The following SPTB variants were observed in gnomAD, a reference collection of about 807,000 sequenced individuals.
SPTB encodes spectrin beta, erythrocytic.
Under a neutral mutation model 256.2 loss-of-function variants are expected in SPTB, and 45 were observed. The ratio of observed to expected loss-of-function variants is 0.18; its 90% CI spans 0.14 to 0.23. The LOEUF is 0.23. SPTB is among the 10% of genes least tolerant of loss of function. The pLI is 1.00. For synonymous variants in SPTB, 1,231 were observed against 1,243.1 expected, an observed-to-expected ratio of 0.99 and a Z score of 0.21; for missense variants, 2,715 against 3,040.4, an observed-to-expected ratio of 0.89 and a Z score of 2.52.
chr14:64,808,678 G>A (rs2083031921), intron 2 of SPTB, among the ~76,000 whole-genome samples: 1 of 152,022 alleles, frequency 6.6e-6, no homozygotes, highest in Non-Finnish European at 1.5e-5. Context: ...CTCTCCCCAA[G>A]GCCTTAAGAT....
At chr14:64,752,199 C>T (rs560304638) in intron 33 of SPTB, 14 of 1,347,490 alleles carry the variant, frequency 1.0e-5, no homozygotes, top group East Asian at 9.2e-5. Flanking sequence ...TAGCCCGAGC[C>T]GCTTCACTCA....
intron 15 of SPTB, among the ~76,000 whole-genome samples, chr14:64,788,880 A>C (rs1030172092): frequency 1.3e-5 from 2 of 152,224 alleles, no homozygotes; most frequent in Non-Finnish European, 2.9e-5. Flanking sequence ...TTTTTCTTCA[A>C]CTGGAAAGCA....
At chr14:64,812,528 C>T (rs2083108899) in intron 2 of SPTB, among the ~76,000 whole-genome samples, 2 of 152,100 alleles carry the variant, frequency 1.3e-5, no homozygotes, top group South Asian at 4.1e-4. Flanking sequence ...CTGAATACTC[C>T]CTATGGGGGT....
At position 64,825,749 on chromosome 14, in the gene SPTB, T is replaced by C. The variant is rs1048322552; in HGVS notation, c.-51-2604A>G. On this transcript the variant is annotated intron_variant, in intron 1 of 35. Coordinates refer to ENST00000644917, the MANE Select transcript of SPTB (RefSeq NM_001355436.2). The surrounding 1 kb of genome is among the most constrained non-coding windows in gnomAD (Gnocchi z 4.8). ...ATTACCTTTGCCATGGCTCCGTAAATAAGTCTGCCCCAGAAAGATGAGCCT... is the reference window on the plus strand; with the variant it reads ...ATTACCTTTGCCATGGCTCCGTAAACAAGTCTGCCCCAGAAAGATGAGCCT... Among the ~76,000 whole-genome samples the C allele has an allele frequency of 1.3e-5, 2 of 152,148 alleles. No homozygotes were observed. The highest frequency in any genetic ancestry group is 1.3e-4 in the Admixed American group (2 of 15,274).
At position 64,775,300 on chromosome 14, in the gene SPTB, T is replaced by C; in HGVS notation, c.4667A>G (p.Glu1556Gly). 6.2e-7 allele frequency: 1 copy of C among 1,613,234 alleles called. No individual in the cohort carries two copies. The highest frequency in any genetic ancestry group is 8.5e-7 in the Non-Finnish European group (1 of 1,179,768). ...GCTCTGCAGGTGCCCCAGGCGCTCCTCAAGGTCCTGGCAGTCGATCTCCGC... is the reference window on the plus strand; with the variant it reads ...GCTCTGCAGGTGCCCCAGGCGCTCCCCAAGGTCCTGGCAGTCGATCTCCGC... Reference protein sequence around the residue: ...EAAEIDCQDLEERLGHLQSSW... With the variant: ...EAAEIDCQDLGERLGHLQSSW... The change falls in exon 23 of 36, where the codon GAG becomes GGG. Residue 1556 changes from glutamate to glycine, a missense_variant. Physicochemically the swap from Glu to Gly is moderately conservative, Grantham distance 98 (BLOSUM62 -2). Around this residue, in one of 4 missense-constraint regions of SPTB, gnomAD observed 2,239 missense variants for 2,384.4 expected, o/e 0.94. Transcript: ENST00000644917. The surrounding 1 kb of genome is among the most constrained non-coding windows in gnomAD (Gnocchi z 5.0).
Position 64,826,590 on chromosome 14 carries a change from G to C in SPTB, c.-51-3445C>G, listed in dbSNP as rs2083380814. Among the ~76,000 whole-genome samples, 1 of 152,082 alleles carries C rather than the reference G, an allele frequency of 6.6e-6. No homozygotes were observed. The highest frequency in any genetic ancestry group is 1.5e-5 in the Non-Finnish European group (1 of 68,018). On this transcript the variant is annotated intron_variant, in intron 1 of 35. Coordinates refer to ENST00000644917, the MANE Select transcript of SPTB (RefSeq NM_001355436.2). This position sits in a 1 kb window ranked among gnomAD's most constrained non-coding sequence, Gnocchi z 4.4. Reference sequence around the variant, plus strand: ...AATTAGATCTTAAATTGCACTTCAGGCCCATCAGTAAACCCAGGAAAAAAG... The same window carrying C: ...AATTAGATCTTAAATTGCACTTCAGCCCCATCAGTAAACCCAGGAAAAAAG...
Position 64,804,362 on chromosome 14 carries a change from A to G in SPTB, c.300+577T>C, listed in dbSNP as rs1050772492. Among the ~76,000 whole-genome samples the G allele has an allele frequency of 2.6e-5, 4 of 152,240 alleles. No individual in the cohort carries two copies. In the East Asian group the frequency reaches 7.7e-4, roughly 29 times the overall value. ...ACTCTGAGGATCTCAGAATAACTTC[A>G]TCAGGTACAGGTATCATTGCCCTCA... On this transcript the variant is annotated intron_variant, in intron 3 of 35. Transcript: ENST00000644917.
rs2082291856 is a variant in SPTB, at chr14:64,772,528, C to T, written c.5553+52G>A. 2 of 1,594,862 alleles carry T rather than the reference C, an allele frequency of 1.3e-6. No homozygotes were observed. The highest frequency in any genetic ancestry group is 1.3e-5 in the African/African-American group (1 of 74,936). On this transcript the variant is annotated intron_variant, in intron 26 of 35. Transcript: ENST00000644917. This position sits in a 1 kb window ranked among gnomAD's most constrained non-coding sequence, Gnocchi z 5.4. ...GCTGACAGCCAGGTGGGGACTGACA[C>T]CCAGGGCTCCTGGAAATTGGTAGCA... is the stretch of plus-strand genomic sequence containing the variant.
At chr14:64,808,177 TA>T (rs984683083) in intron 2 of SPTB, among the ~76,000 whole-genome samples, 1 of 152,194 alleles carries the variant, frequency 6.6e-6, no homozygotes, top group African/African-American at 2.4e-5. Flanking sequence ...CACGCCTGGA[TA>T]TTTTTTGTAT....
At chr14:64,808,645 C>CT (rs1387602032) in intron 2 of SPTB, among the ~76,000 whole-genome samples, 1 of 152,140 alleles carries the variant, frequency 6.6e-6, no homozygotes, top group Non-Finnish European at 1.5e-5. Context: ...GTCCTAGGTG[C>CT]TGCAGGGGCG....
intron 2 of SPTB, among the ~76,000 whole-genome samples, chr14:64,822,402 A>ACACAC (rs200166557): frequency 1.5e-5 from 2 of 137,024 alleles, no homozygotes; most frequent in Non-Finnish European, 1.6e-5. Flanking sequence ...ACACACACAC[A>ACACAC]GAGAGATCTA....
Position 64,795,185 on chromosome 14 carries a change from G to A in SPTB, c.1644+152C>T, listed in dbSNP as rs2082743849. 1.1e-6 allele frequency: 1 copy of A among 877,694 alleles called. No homozygotes were observed. 54.4% of individuals were successfully genotyped at this position (877,694 alleles called of 1,614,324 possible). Reference sequence around the variant, plus strand: ...TGGACCAAGAGGCAGAGAGGCAGGTGCAGCTAGACACTTTGCTGCCTCAGT... The same window carrying A: ...TGGACCAAGAGGCAGAGAGGCAGGTACAGCTAGACACTTTGCTGCCTCAGT... On this transcript the variant is annotated intron_variant, in intron 12 of 35. Coordinates refer to ENST00000644917, the MANE Select transcript of SPTB (RefSeq NM_001355436.2). The surrounding 1 kb of genome is among the most constrained non-coding windows in gnomAD (Gnocchi z 6.5).
intron 1 of SPTB, among the ~76,000 whole-genome samples, chr14:64,879,408 G>A (rs1161237029): frequency 6.6e-6 from 1 of 152,208 alleles, no homozygotes; most frequent in Admixed American, 6.5e-5. Context: ...GCGGTCGGAC[G>A]GGCTAGAGGC....
intron 18 of SPTB, among the ~76,000 whole-genome samples, chr14:64,784,607 C>T (rs548732014): frequency 1.3e-5 from 2 of 152,306 alleles, no homozygotes; most frequent in South Asian, 4.1e-4. Flanking sequence ...GGTGCATCTT[C>T]CCCACTGGAG....
In SPTB at chr14:64,824,618, T is replaced by C. The variant is rs2083348686; in HGVS notation, c.-51-1473A>G. On this transcript the variant is annotated intron_variant, in intron 1 of 35. Transcript: ENST00000644917. This position sits in a 1 kb window ranked among gnomAD's most constrained non-coding sequence, Gnocchi z 5.7. ...GGGAGGCTGTGAGGCAGACCTGTGA[T>C]GGGGGTTGACAGCCAGTGAGCTGTG... is the stretch of plus-strand genomic sequence containing the variant. Among the ~76,000 whole-genome samples the C allele has an allele frequency of 6.6e-6, 1 of 152,008 alleles. No individual in the cohort carries two copies. The highest frequency in any genetic ancestry group is 1.5e-5 in the Non-Finnish European group (1 of 67,974).
At position 64,779,222 on chromosome 14, in the gene SPTB, G is replaced by A; in HGVS notation, c.4498C>T (p.Leu1500=). 6.2e-7 allele frequency: 1 copy of A among 1,613,864 alleles called. No individual in the cohort carries two copies. The highest frequency in any genetic ancestry group is 1.3e-5 in the African/African-American group (1 of 75,002). ...ETLWVEERLP[L]AQSADYGTNL... is the part of the protein sequence containing the mutation. ...GTGCCATAGTCGGCTGACTGGGCCA[G>A]AGGCAGCCTCTCCTCCACCCAAAGC... Residue 1500 remains leucine (L), a synonymous_variant, in exon 22 of 36, where the codon CTG becomes TTG. Coordinates refer to ENST00000644917, the MANE Select transcript of SPTB (RefSeq NM_001355436.2). This position sits in a 1 kb window ranked among gnomAD's most constrained non-coding sequence, Gnocchi z 4.2.
rs142014217 is a variant in SPTB at position 64,807,331 on chromosome 14, G to C, written c.149-2241C>G. Among the ~76,000 whole-genome samples the C allele has an allele frequency of 9.2e-5, 14 of 152,344 alleles. No individual in the cohort carries two copies. Among genetic ancestry groups the C allele is most frequent in the Non-Finnish European group, 1.6e-4 (11 of 68,036 alleles). ...TATCTGTGCTTGGCAAAGGGTAAGG[G>C]AGTGATTCTAGCTGGGAACATGGAT... On this transcript the variant is annotated intron_variant, in intron 2 of 35. Transcript: ENST00000644917. This position sits in a 1 kb window ranked among gnomAD's most constrained non-coding sequence, Gnocchi z 4.7.
rs1212594573 is a variant in SPTB at position 64,773,053 on chromosome 14, C to T, written c.5179-99G>A. 10 of 1,563,774 alleles carry T rather than the reference C, an allele frequency of 6.4e-6. No individual in the cohort carries two copies. The South Asian group carries it at 1.0e-4, about 16-fold the overall frequency. On this transcript the variant is annotated intron_variant, in intron 25 of 35. Transcript: ENST00000644917. ...CTTTCCCAGGCAGCAACTGCAGCTC[C>T]GGGAGCTGCGCTGTCACACCTTCCC... is the stretch of plus-strand genomic sequence containing the variant.
At chr14:64,819,851 C>T (rs1298900786) in intron 2 of SPTB, among the ~76,000 whole-genome samples, 1 of 152,216 alleles carries the variant, frequency 6.6e-6, no homozygotes, top group Non-Finnish European at 1.5e-5. Context: ...CATTATCTAA[C>T]ATTCACCTAG....
Sources: gnomAD v4.1 joint callset for allele counts (sites outside exome capture counted in the v4.1 genomes callset) on GRCh38, gnomAD v4.1.1 for gene constraint, gnomAD v4.1.1 regional missense constraint, Gnocchi (gnomAD v3.1) non-coding constraint, MANE v1.5 for transcripts, NCBI Gene and HGNC (gene_info 2026-07-23, HGNC 2026-07-21) for gene names.